The following SLC24A2 variants were observed in gnomAD, a reference collection of about 807,000 sequenced individuals.
SLC24A2 encodes the protein sodium/potassium/calcium exchanger 2.
SLC24A2 carries 36 observed loss-of-function variants against 62.0 expected under a neutral mutation model. That is an observed-to-expected ratio of 0.58 (90% CI 0.44 to 0.77). SLC24A2 has a LOEUF of 0.77. Ranked by LOEUF, SLC24A2 falls within the 30% of genes least tolerant of loss-of-function variation. The probability of loss-of-function intolerance (pLI) is 0.00; values close to 1 mark genes in which losing one functional copy is unlikely to be tolerated. For missense variants in SLC24A2, 846 were observed against 817.9 expected (o/e 1.03, Z -0.42); for synonymous variants, 358 against 294.0 (o/e 1.22, Z -2.23).
Position 19,786,870 on chromosome 9 carries a change from G to T in SLC24A2, c.-4C>A, listed in dbSNP as rs1174794065. ...TGGTGCTTTGTTGCAGATCCATCCT[G>T]GGTCTTCTGGTGGATATGGTGATCT... On this transcript the variant is annotated 5_prime_UTR_variant, in exon 2 of 11. Coordinates refer to ENST00000341998, the MANE Select transcript of SLC24A2 (RefSeq NM_020344.4). The surrounding 1 kb of genome is among the most constrained non-coding windows in gnomAD (Gnocchi z 5.0). 6.2e-7 allele frequency: 1 copy of T among 1,607,086 alleles called. No individual in the cohort carries two copies. Among genetic ancestry groups the T allele is most frequent in the South Asian group, 1.1e-5 (1 of 91,036 alleles).
chr9:19,576,883 C>T (rs1386675141), intron 6 of SLC24A2, 41 bp downstream of exon 6: 1 of 1,475,576 alleles, frequency 6.8e-7, no homozygotes, highest in Admixed American at 1.7e-5. Context: ...CCCCTCGCTT[C>T]CCCCAGGAAA....
the SLC24A2 span, among the ~76,000 whole-genome samples, chr9:20,016,752 C>T: frequency 6.6e-6 from 1 of 151,904 alleles, no homozygotes; most frequent in East Asian, 1.9e-4. Flanking sequence ...CACATACACA[C>T]AAATGTAGAA....
chr9:20,095,934 T>C, the SLC24A2 span, among the ~76,000 whole-genome samples: 6 of 152,090 alleles, frequency 3.9e-5, no homozygotes, highest in African/African-American at 1.2e-4. Context: ...TTATTCACTA[T>C]CATGAGAACA....
In SLC24A2 at chr9:19,541,679, C is replaced by A. The variant is rs1330216822; in HGVS notation, c.1479+8458G>T. 1.9e-3 allele frequency among the ~76,000 whole-genome samples: 286 copies of A among 148,562 alleles called. 3 individuals are homozygous for A. Among genetic ancestry groups the A allele is most frequent in the African/African-American group, 7.0e-3 (279 of 40,050 alleles). ...TTTTTGTTTGTCTGTGCCCTGCCCCCAGAGGTGGAGCCTACAGAGGCAGGC... is the reference window on the plus strand; with the variant it reads ...TTTTTGTTTGTCTGTGCCCTGCCCCAAGAGGTGGAGCCTACAGAGGCAGGC... On this transcript the variant is annotated intron_variant, in intron 8 of 10. Transcript: ENST00000341998.
chr9:19,963,570 A>C, the SLC24A2 span, among the ~76,000 whole-genome samples: 1 of 152,258 alleles, frequency 6.6e-6, no homozygotes, highest in Non-Finnish European at 1.5e-5. Context: ...ACATGAACAG[A>C]CACTTCTCAA....
chr9:19,679,929 G>T (rs925543694), intron 2 of SLC24A2, among the ~76,000 whole-genome samples: 3 of 151,378 alleles, frequency 2.0e-5, no homozygotes, highest in Admixed American at 1.3e-4. Flanking sequence ...TTTCTCTGGA[G>T]AACCCTAACC....
the SLC24A2 span, among the ~76,000 whole-genome samples, chr9:20,266,173 G>A: frequency 1.3e-5 from 2 of 152,062 alleles, no homozygotes; most frequent in Admixed American, 6.5e-5. Flanking sequence ...TGTGATCTCT[G>A]TGACCCACAC....
intron 7 of SLC24A2, among the ~76,000 whole-genome samples, chr9:19,550,805 C>T (rs1834807424): frequency 6.6e-6 from 1 of 151,782 alleles, no homozygotes; most frequent in Non-Finnish European, 1.5e-5. Flanking sequence ...TCCCACTGGC[C>T]TTGGAATAGC....
At chr9:20,076,865 A>G in the SLC24A2 span, among the ~76,000 whole-genome samples, 4 of 58,280 alleles carry the variant, frequency 6.9e-5, no homozygotes, top group African/African-American at 1.6e-4. Context: ...TCATATGTAT[A>G]TATATATATA....
At chr9:19,848,145 A>T in the SLC24A2 span, among the ~76,000 whole-genome samples, 8 of 147,654 alleles carry the variant, frequency 5.4e-5, no homozygotes, top group Non-Finnish European at 9.1e-5. Context: ...CATATTCACT[A>T]GACAATACTA....
the SLC24A2 span, among the ~76,000 whole-genome samples, chr9:20,119,080 A>G: frequency 1.3e-5 from 2 of 152,186 alleles, no homozygotes; most frequent in African/African-American, 4.8e-5. Flanking sequence ...CAAGAACTGA[A>G]CGCAGCCTTC....
At chr9:19,911,195 A>G in the SLC24A2 span, among the ~76,000 whole-genome samples, 6 of 151,054 alleles carry the variant, frequency 4.0e-5, no homozygotes, top group Non-Finnish European at 5.9e-5. Context: ...GCGATAGTTT[A>G]CTGAGAATGA....
the SLC24A2 span, among the ~76,000 whole-genome samples, chr9:19,867,665 T>C: frequency 3.0e-4 from 46 of 152,260 alleles, no homozygotes; most frequent in Non-Finnish European, 5.6e-4. Flanking sequence ...ATCCCAGCAC[T>C]TTGGAAGGAC....
At chr9:19,561,228 C>T (rs1000705339) in intron 7 of SLC24A2, among the ~76,000 whole-genome samples, 1 of 151,992 alleles carries the variant, frequency 6.6e-6, no homozygotes, top group African/African-American at 2.4e-5. Context: ...CCACACCTGG[C>T]CTGTATTTGT....
chr9:19,945,325 G>A, the SLC24A2 span, among the ~76,000 whole-genome samples: 1 of 152,106 alleles, frequency 6.6e-6, no homozygotes, highest in East Asian at 1.9e-4. Flanking sequence ...AGGAGGGAGG[G>A]AGGGGAGAGA....
the SLC24A2 span, among the ~76,000 whole-genome samples, chr9:20,001,050 C>T: frequency 6.6e-6 from 1 of 152,154 alleles, no homozygotes; most frequent in Non-Finnish European, 1.5e-5. Flanking sequence ...CTCTAATGGG[C>T]CCACCCTCAC....
At chr9:19,542,699 G>A (rs1478572430) in intron 8 of SLC24A2, among the ~76,000 whole-genome samples, 2 of 152,156 alleles carry the variant, frequency 1.3e-5, no homozygotes, top group Non-Finnish European at 2.9e-5. Context: ...ATAATCACGT[G>A]CTTTTTGTCA....
the SLC24A2 span, among the ~76,000 whole-genome samples, chr9:20,217,435 G>C: frequency 1.3e-5 from 2 of 152,132 alleles, no homozygotes; most frequent in African/African-American, 4.8e-5. Flanking sequence ...TAATTGATCA[G>C]TCTGGAAACC....
At chr9:20,137,369 T>C in the SLC24A2 span, among the ~76,000 whole-genome samples, 1 of 152,198 alleles carries the variant, frequency 6.6e-6, no homozygotes, top group African/African-American at 2.4e-5. Context: ...CTAAGGAATA[T>C]ACTCTGGCAG....
Sources: gnomAD v4.1 joint callset for allele counts (sites outside exome capture counted in the v4.1 genomes callset) on GRCh38, gnomAD v4.1.1 for gene constraint, Gnocchi (gnomAD v3.1) non-coding constraint, MANE v1.5 for transcripts, NCBI Gene and HGNC (gene_info 2026-07-23, HGNC 2026-07-21) for gene names.